SF3A1: variants seen among roughly 807,000 people sequenced by gnomAD.
SF3A1 encodes the protein splicing factor 3a subunit 1, also known as SAP 114.
Under a neutral mutation model 89.9 loss-of-function variants are expected in SF3A1, and 13 were observed. The ratio of observed to expected loss-of-function variants is 0.14; its 90% CI spans 0.09 to 0.23. The LOEUF (loss-of-function observed/expected upper bound fraction) is 0.23, where lower values mean the gene tolerates loss of function less well. Ranked by LOEUF, SF3A1 falls within the 10% of genes least tolerant of loss-of-function variation. The probability of loss-of-function intolerance (pLI) is 1.00; values close to 1 mark genes in which losing one functional copy is unlikely to be tolerated. For missense variants in SF3A1, 604 were observed against 1,022.1 expected (o/e 0.59, Z 5.58); for synonymous variants, 405 against 374.4 (o/e 1.08, Z -0.94).
intron 2 of SF3A1, among the ~76,000 whole-genome samples, chr22:30,351,441 CAT>C (rs897392875): frequency 3.3e-5 from 5 of 152,322 alleles, no homozygotes; most frequent in African/African-American, 4.8e-5. Flanking sequence ...CTGGAGAACA[CAT>C]GCTGATTGGG....
At position 30,337,796 on chromosome 22, in the gene SF3A1, G is replaced by A. The variant is rs759167389; in HGVS notation, c.1845C>T (p.Ala615=). 7.5e-6 allele frequency: 12 copies of A among 1,601,040 alleles called. No individual in the cohort carries two copies. The highest frequency in any genetic ancestry group is 1.7e-5 in the Admixed American group (1 of 57,698). Residue 615 remains alanine (A), a synonymous_variant, in exon 12 of 16, where the codon GCC becomes GCT. Coordinates refer to ENST00000215793, the MANE Select transcript of SF3A1 (RefSeq NM_005877.6). ...GCGCGTGGATGATGGGCGGCATGGGGGCGATCACTGAGCCTGGGGGCAGCC... is the reference window on the plus strand; with the variant it reads ...GCGCGTGGATGATGGGCGGCATGGGAGCGATCACTGAGCCTGGGGGCAGCC... ...VVRLPPGSVI[A]PMPPIIHAPR...
intron 4 of SF3A1, 96 bp from the exon 5 acceptor site, chr22:30,342,975 G>A (rs1931309546): frequency 2.7e-6 from 2 of 740,126 alleles, no homozygotes; most frequent in East Asian, 2.6e-5. Flanking sequence ...AGGAGATGAG[G>A]AAGCATGGGA....
At chr22:30,335,831 G>C (rs555101671) in intron 13 of SF3A1, 78 bp from the exon 14 acceptor site, 89 of 1,189,804 alleles carry the variant, frequency 7.5e-5, no homozygotes, top group Middle Eastern at 3.8e-4. Context: ...CCCTAGGCCT[G>C]TCCAGACAAT....
intron 13 of SF3A1, among the ~76,000 whole-genome samples, chr22:30,336,647 C>A (rs1931075632): frequency 6.6e-6 from 1 of 152,152 alleles, no homozygotes; most frequent in Non-Finnish European, 1.5e-5. Flanking sequence ...AGGGCTAGAG[C>A]TGGGGAGGAA....
chr22:30,332,148 A>C lies in SF3A1; in HGVS notation c.*2446T>G, dbSNP rs750854523. ...ATAGTACATGTATTTCCATTCAAGTATATATCCTAACATAACCCAATATAA... is the reference window on the plus strand; with the variant it reads ...ATAGTACATGTATTTCCATTCAAGTCTATATCCTAACATAACCCAATATAA... On this transcript the variant is annotated 3_prime_UTR_variant, in exon 16 of 16. Transcript: ENST00000215793. 6.6e-6 allele frequency: 1 copy of C among 152,252 alleles called. No homozygotes were observed. Among genetic ancestry groups the C allele is most frequent in the African/African-American group, 2.4e-5 (1 of 41,466 alleles). 9.4% of individuals were successfully genotyped at this position (152,252 alleles called of 1,614,324 possible). A position where few individuals can be genotyped will look rare whatever the true frequency, so the allele number is the denominator to read the frequency against.
Position 30,343,011 on chromosome 22 carries a change from T to G in SF3A1, c.652-132A>C, listed in dbSNP as rs117869097. On this transcript the variant is annotated intron_variant, in intron 4 of 15. Coordinates refer to ENST00000215793, the MANE Select transcript of SF3A1 (RefSeq NM_005877.6). ...TTCTGTGTCCCAATCCCAGCTCCAC[T>G]TGGCTGTGGGACTTAGGGCAAGTTA... is the stretch of plus-strand genomic sequence containing the variant. 3.2e-3 allele frequency: 1,928 copies of G among 594,184 alleles called. 8 individuals are homozygous for G. The highest frequency in any genetic ancestry group is 5.1e-3 in the Non-Finnish European group (1,703 of 334,688). The allele number at this position is 594,184 out of a possible 1,614,324, so 36.8% of individuals were successfully genotyped here. A position where few individuals can be genotyped will look rare whatever the true frequency, so the allele number is the denominator to read the frequency against.
chr22:30,350,158 A>C (rs1217985444), intron 2 of SF3A1, among the ~76,000 whole-genome samples: 1 of 152,078 alleles, frequency 6.6e-6, no homozygotes, highest in Non-Finnish European at 1.5e-5. Flanking sequence ...ATTTGCCAAA[A>C]TGAAATGTTG....
chr22:30,340,662 C>A (rs751386342), intron 8 of SF3A1, 33 bp downstream of exon 8: 4 of 1,359,612 alleles, frequency 2.9e-6, no homozygotes, highest in Non-Finnish European at 4.2e-6. Context: ...ACTTCCTGGG[C>A]AGCCCGAGGG....
At chr22:30,345,319 G>GCA in intron 3 of SF3A1, 129 bp from the exon 4 acceptor site, 2 of 824,752 alleles carry the variant, frequency 2.4e-6, no homozygotes, top group South Asian at 3.4e-5. Flanking sequence ...TGTTAATTAT[G>GCA]CACACACCAC....
chr22:30,342,116 T>G, intron 6 of SF3A1, 84 bp downstream of exon 6: 7 of 1,488,812 alleles, frequency 4.7e-6, no homozygotes, highest in Non-Finnish European at 9.4e-7. Flanking sequence ...GAGATTCTAC[T>G]GCTCTCTGGG....
chr22:30,345,220 G>A, intron 3 of SF3A1, 30 bp from the exon 4 acceptor site: 4 of 1,599,730 alleles, frequency 2.5e-6, no homozygotes, highest in South Asian at 1.1e-5. Flanking sequence ...TGAGGCGAGA[G>A]GCACAGGGGT....
intron 5 of SF3A1, 121 bp downstream of exon 5, chr22:30,342,684 G>T: frequency 1.4e-6 from 1 of 734,840 alleles, no homozygotes; most frequent in Non-Finnish European, 2.3e-6. Flanking sequence ...AGCCAACAAA[G>T]CCTTTTCTCC....
intron 7 of SF3A1, among the ~76,000 whole-genome samples, chr22:30,341,246 GGGA>G (rs1601693654): frequency 6.6e-6 from 1 of 152,190 alleles, no homozygotes; most frequent in East Asian, 1.9e-4. Context: ...TTCCGAGTGG[GGGA>G]GAACAGTCTG....
rs375903067 is a variant in SF3A1, at chr22:30,342,361, G to A, written c.727-11C>T. ...CACTCGGTAACACACCTGCAGAGAT[G>A]GGAAACAGCTTGGTGCTACGCTGAA... On this transcript the variant is annotated splice_polypyrimidine_tract_variant and intron_variant, in intron 5 of 15. Coordinates refer to ENST00000215793, the MANE Select transcript of SF3A1 (RefSeq NM_005877.6). The A allele has an allele frequency of 6.3e-7, 1 of 1,593,382 alleles. No individual in the cohort carries two copies. The highest frequency in any genetic ancestry group is 8.6e-7 in the Non-Finnish European group (1 of 1,169,520).
chr22:30,352,936 A>C lies in SF3A1; in HGVS notation c.185+15T>G. ...GCTGAAACCCACCTCTGACCCACCC[A>C]AGTAGCTCTGTTACCTGGCCACAAA... On this transcript the variant is annotated intron_variant, in intron 2 of 15. Coordinates refer to ENST00000215793, the MANE Select transcript of SF3A1 (RefSeq NM_005877.6). 6.2e-7 allele frequency: 1 copy of C among 1,613,778 alleles called. No homozygotes were observed. Among genetic ancestry groups the C allele is most frequent in the Non-Finnish European group, 8.5e-7 (1 of 1,179,782 alleles).
chr22:30,349,327 T>TGGGA (rs1219671452), intron 2 of SF3A1, among the ~76,000 whole-genome samples: 1 of 152,220 alleles, frequency 6.6e-6, no homozygotes, highest in African/African-American at 2.4e-5. Context: ...GTCACCCAGG[T>TGGGA]GGGAGTGCAG....
At chr22:30,348,677 C>T in intron 2 of SF3A1, among the ~76,000 whole-genome samples, 1 of 152,148 alleles carries the variant, frequency 6.6e-6, no homozygotes, top group African/African-American at 2.4e-5. Context: ...GTATATTAGT[C>T]TAACTGGAAC....
At chr22:30,351,430 C>G (rs944208795) in intron 2 of SF3A1, among the ~76,000 whole-genome samples, 2 of 152,154 alleles carry the variant, frequency 1.3e-5, no homozygotes, top group Non-Finnish European at 2.9e-5. Context: ...TGACGTGGTC[C>G]CTGGAGAACA....
intron 1 of SF3A1, among the ~76,000 whole-genome samples, chr22:30,354,350 T>C (rs1284477343): frequency 1.3e-5 from 2 of 152,176 alleles, no homozygotes; most frequent in Non-Finnish European, 2.9e-5. Flanking sequence ...CAAAAACAAC[T>C]GCCCACAGCC....
Sources: allele counts gnomAD v4.1 joint callset (sites outside exome capture counted in the v4.1 genomes callset), GRCh38; gene constraint gnomAD v4.1.1; transcripts MANE v1.5; gene names NCBI Gene and HGNC (gene_info 2026-07-23, HGNC 2026-07-21).